The following RAB11FIP3 variants were observed in gnomAD, a reference collection of about 807,000 sequenced individuals.
RAB11FIP3 encodes the protein rab11 family-interacting protein 3.
RAB11FIP3 carries 17 observed loss-of-function variants against 77.8 expected under a neutral mutation model. The observed-to-expected ratio is 0.22, with a 90% CI of 0.15 to 0.33. The LOEUF (loss-of-function observed/expected upper bound fraction) is 0.33, where lower values mean the gene tolerates loss of function less well. RAB11FIP3 is among the 10% of genes least tolerant of loss of function. RAB11FIP3 has a pLI of 1.00. For missense variants in RAB11FIP3, 1,005 were observed against 1,011.2 expected, an observed-to-expected ratio of 0.99 and a Z score of 0.08; for synonymous variants, 437 against 448.2, an observed-to-expected ratio of 0.98 and a Z score of 0.31.
rs1270407807 is a variant in RAB11FIP3, at chr16:472,889, C to T, written c.903+1500C>T. On this transcript the variant is annotated intron_variant, in intron 3 of 13. Coordinates refer to ENST00000262305, the MANE Select transcript of RAB11FIP3 (RefSeq NM_014700.4). The surrounding 1 kb of genome is among the most constrained non-coding windows in gnomAD (Gnocchi z 4.1). ...GGCCCTAAATCCAGTGACAGGTGTCCCTGGAAGACGGGAGAGACACACAGG... is the reference window on the plus strand; with the variant it reads ...GGCCCTAAATCCAGTGACAGGTGTCTCTGGAAGACGGGAGAGACACACAGG... 1.3e-5 allele frequency among the ~76,000 whole-genome samples: 2 copies of T among 152,016 alleles called. No individual in the cohort carries two copies. The highest frequency in any genetic ancestry group is 2.4e-5 in the African/African-American group (1 of 41,368).
chr16:510,641 C>G lies in RAB11FIP3; in HGVS notation c.1500-19C>G. The G allele has an allele frequency of 6.3e-7, 1 of 1,583,372 alleles. No homozygotes were observed. The highest frequency in any genetic ancestry group is 1.3e-5 in the African/African-American group (1 of 74,240). On this transcript the variant is annotated intron_variant, in intron 8 of 13. Transcript: ENST00000262305. ...CACCCTGCCTGGAGACAGCTCAGCT[C>G]CTCCCTTTGCCTTTCAAGAGCAAAC...
At position 471,315 on chromosome 16, in the gene RAB11FIP3, G is replaced by A. The variant is rs201487714; in HGVS notation, c.829G>A (p.Gly277Ser). The stretch of plus-strand genomic sequence containing the variant: ...TGCAGATCCTGATGGCCAGTGCTAC[G>A]GTGGTGTCGCTTCTGCCCAAGATGA... ...RNGDPDGQCY[G>S]GVASAQDEEP... Residue 277 changes from glycine to serine, a missense_variant, in exon 3 of 14, where the codon GGT becomes AGT. Around this residue, in one of 4 missense-constraint regions of RAB11FIP3, gnomAD observed 466 missense variants for 408.3 expected, o/e 1.14. Transcript: ENST00000262305. This position sits in a 1 kb window ranked among gnomAD's most constrained non-coding sequence, Gnocchi z 4.4. 1.7e-5 allele frequency: 27 copies of A among 1,613,964 alleles called. No individual in the cohort carries two copies. Among genetic ancestry groups the A allele is most frequent in the Admixed American group, 1.3e-4 (8 of 60,008 alleles).
chr16:458,568 TTCACC>T (rs2055545556), intron 1 of RAB11FIP3, among the ~76,000 whole-genome samples: 10 of 151,500 alleles, frequency 6.6e-5, no homozygotes, highest in East Asian at 5.9e-4. Flanking sequence ...CTTCCTCGGG[TTCACC>T]GATGCCCACA....
At chr16:490,529 G>T (rs932482158) in intron 5 of RAB11FIP3, among the ~76,000 whole-genome samples, 3 of 152,080 alleles carry the variant, frequency 2.0e-5, no homozygotes, top group African/African-American at 7.2e-5. Flanking sequence ...TGTAGAGACG[G>T]GTTCACCATG....
intron 1 of RAB11FIP3, among the ~76,000 whole-genome samples, chr16:432,144 A>T (rs947470274): frequency 6.6e-6 from 1 of 152,102 alleles, no homozygotes; most frequent in African/African-American, 2.4e-5. Flanking sequence ...ACACTTTGGG[A>T]GGCCAAGGCG....
chr16:451,027 C>T (rs2055399601), intron 1 of RAB11FIP3, among the ~76,000 whole-genome samples: 1 of 152,072 alleles, frequency 6.6e-6, no homozygotes, highest in Non-Finnish European at 1.5e-5. Flanking sequence ...GTTTTATTTC[C>T]TCATCATGTT....
chr16:506,837 G>C lies in RAB11FIP3; in HGVS notation c.1499+1210G>C, dbSNP rs1437550930. On this transcript the variant is annotated intron_variant, in intron 8 of 13. Coordinates refer to ENST00000262305, the MANE Select transcript of RAB11FIP3 (RefSeq NM_014700.4). This position sits in a 1 kb window ranked among gnomAD's most constrained non-coding sequence, Gnocchi z 4.5. ...GGGCCTGCTACCAGCCCCTGCTGCA[G>C]AGTGGAGAGGGGCCAGGCATGCTGG... 2.0e-5 allele frequency among the ~76,000 whole-genome samples: 3 copies of C among 152,362 alleles called. No individual in the cohort carries two copies. In the East Asian group the frequency reaches 5.8e-4, roughly 29 times the overall value.
At chr16:449,427 A>AG (rs2141608688) in intron 1 of RAB11FIP3, among the ~76,000 whole-genome samples, 1 of 152,212 alleles carries the variant, frequency 6.6e-6, no homozygotes, top group East Asian at 1.9e-4. Flanking sequence ...TGGTCCTCCC[A>AG]GGTATGGCAG....
intron 2 of RAB11FIP3, among the ~76,000 whole-genome samples, chr16:468,989 T>C (rs1225392531): frequency 2.0e-5 from 3 of 152,198 alleles, no homozygotes; most frequent in Non-Finnish European, 4.4e-5. Flanking sequence ...TGAAAGTTTT[T>C]AGTTCTGTGT....
At chr16:433,233 A>G (rs1242772527) in intron 1 of RAB11FIP3, among the ~76,000 whole-genome samples, 2 of 127,832 alleles carry the variant, frequency 1.6e-5, no homozygotes, top group Non-Finnish European at 3.3e-5. Flanking sequence ...GGGTTTCACC[A>G]TGTTGGCCAG....
At chr16:432,927 AG>A (rs532678441) in intron 1 of RAB11FIP3, among the ~76,000 whole-genome samples, 400 of 147,942 alleles carry the variant, frequency 2.7e-3, no homozygotes, top group Middle Eastern at 0.019. Flanking sequence ...TTTAATTGAT[AG>A]AAATATTTGT....
Position 492,460 on chromosome 16 carries a change from G to GGGAGACCCGAGGCCGTCCAGAGCCCCCCC in RAB11FIP3, c.1265+3462_1265+3463insAGACCCGAGGCCGTCCAGAGCCCCCCCGG, listed in dbSNP as rs1567392373. On this transcript the variant is annotated intron_variant, in intron 5 of 13. Transcript: ENST00000262305. ...CCCGAGGCCGCCCAGGGCCCTTCCC[G>GGGAGACCCGAGGCCGTCCAGAGCCCCCCC]GGGAGACCCGAGGCCGCCCAGGGCC... is the stretch of plus-strand genomic sequence containing the variant. Among the ~76,000 whole-genome samples the GGGAGACCCGAGGCCGTCCAGAGCCCCCCC allele has an allele frequency of 2.5e-4, 7 of 28,306 alleles. 1 individual carries two copies. Among genetic ancestry groups the GGGAGACCCGAGGCCGTCCAGAGCCCCCCC allele is most frequent in the African/African-American group, 1.3e-3 (7 of 5,582 alleles). 18.6% of individuals were successfully genotyped at this position (28,306 alleles called of 152,430 possible). A position where few individuals can be genotyped will look rare whatever the true frequency, so the allele number is the denominator to read the frequency against.
intron 6 of RAB11FIP3, among the ~76,000 whole-genome samples, chr16:498,583 C>G (rs1425646802): frequency 6.6e-6 from 1 of 152,156 alleles, no homozygotes; most frequent in Non-Finnish European, 1.5e-5. Flanking sequence ...CATCACAGCT[C>G]TCAATAGTTT....
rs1055862912 is a variant in RAB11FIP3, at chr16:457,984, G to A, written c.715-3420G>A. The stretch of plus-strand genomic sequence containing the variant: ...GGAAGTTGGTTGATGATGGACTTCC[G>A]AGGCTAGAGTCACGCTAGCACACAG... On this transcript the variant is annotated intron_variant, in intron 1 of 13. Coordinates refer to ENST00000262305, the MANE Select transcript of RAB11FIP3 (RefSeq NM_014700.4). 4.6e-5 allele frequency among the ~76,000 whole-genome samples: 7 copies of A among 152,194 alleles called. No homozygotes were observed. In the South Asian group the frequency reaches 8.3e-4, roughly 18 times the overall value.
At chr16:440,735 A>T (rs1045377438) in intron 1 of RAB11FIP3, among the ~76,000 whole-genome samples, 5 of 152,234 alleles carry the variant, frequency 3.3e-5, no homozygotes, top group African/African-American at 1.2e-4. Context: ...TGAATCTGGG[A>T]ATGTTAGTTC....
In RAB11FIP3 at chr16:461,486, T is replaced by G; in HGVS notation, c.797T>G (p.Ile266Ser). Reference sequence around the variant, plus strand: ...GACTTCTACCAAGGGATCACAGCCATCAGAAACGGAGGTCAGTCATCCCCG... The same window carrying G: ...GACTTCTACCAAGGGATCACAGCCAGCAGAAACGGAGGTCAGTCATCCCCG... ...FEDFYQGITAIRNGDPDGQCY... is the reference protein window; with the variant it reads ...FEDFYQGITASRNGDPDGQCY... Residue 266 changes from isoleucine to serine, a missense_variant, in exon 2 of 14, where the codon ATC (isoleucine) becomes AGC (serine). By Grantham distance (142) the Ile-to-Ser change is moderately radical. This residue lies in a region of RAB11FIP3 where 466 missense variants were observed against 408.3 expected (regional missense o/e 1.14). Transcript: ENST00000262305. This position sits in a 1 kb window ranked among gnomAD's most constrained non-coding sequence, Gnocchi z 4.5. 1 of 1,613,404 alleles carries G rather than the reference T, an allele frequency of 6.2e-7. No individual in the cohort carries two copies. The highest frequency in any genetic ancestry group is 1.7e-4 in the Middle Eastern group (1 of 5,952).
intron 9 of RAB11FIP3, among the ~76,000 whole-genome samples, chr16:518,160 C>G (rs1485847679): frequency 6.6e-6 from 1 of 152,222 alleles, no homozygotes; most frequent in Non-Finnish European, 1.5e-5. Context: ...CTCACTGCAG[C>G]CTTGTACTTC....
At chr16:481,475 C>T (rs537485557) in intron 3 of RAB11FIP3, among the ~76,000 whole-genome samples, 3 of 152,126 alleles carry the variant, frequency 2.0e-5, no homozygotes, top group South Asian at 2.1e-4. Flanking sequence ...CATGCCACTG[C>T]GTTCCAGTCT....
intron 1 of RAB11FIP3, among the ~76,000 whole-genome samples, chr16:441,297 C>T (rs1653886316): frequency 6.6e-6 from 1 of 152,182 alleles, no homozygotes; most frequent in African/African-American, 2.4e-5. Flanking sequence ...TATTCCCACT[C>T]ACTCAGTAGC....
Sources: allele counts gnomAD v4.1 joint callset (sites outside exome capture counted in the v4.1 genomes callset), GRCh38; gene constraint gnomAD v4.1.1; regional missense constraint gnomAD v4.1.1; non-coding constraint Gnocchi (gnomAD v3.1); transcripts MANE v1.5; gene names NCBI Gene and HGNC (gene_info 2026-07-23, HGNC 2026-07-21).